ALKBH1: variants seen among roughly 807,000 people sequenced by gnomAD.
The protein encoded by ALKBH1 is nucleic acid dioxygenase ALKBH1.
In ALKBH1, 31 loss-of-function variants were observed where a neutral mutation model predicts 36.6. The ratio of observed to expected loss-of-function variants is 0.85; its 90% CI spans 0.64 to 1.14. The LOEUF is 1.14. Among genes scored for constraint, ALKBH1 ranks in the 50% most tolerant of loss-of-function variants. ALKBH1 has a pLI of 0.00. For missense variants in ALKBH1, 490 were observed against 497.3 expected, an observed-to-expected ratio of 0.99 and a Z score of 0.14; for synonymous variants, 183 against 186.6, an observed-to-expected ratio of 0.98 and a Z score of 0.16.
chr14:77,683,446 T>C (rs1044454558), intron 3 of ALKBH1: 2 of 744,658 alleles, frequency 2.7e-6, no homozygotes, highest in Non-Finnish European at 4.9e-6. Flanking sequence ...CTTAACTTAC[T>C]TGTTCACAAC....
Position 77,694,774 on chromosome 14 carries a change from G to T in ALKBH1, c.419C>A (p.Thr140Asn). Residue 140 changes from threonine (T) to asparagine (N), a missense_variant, in exon 3 of 6, where the codon ACC becomes AAC. Coordinates refer to ENST00000216489, the MANE Select transcript of ALKBH1 (RefSeq NM_006020.3). ...NLDKHMSKEETQDLWEQSKEF... is the reference protein window; with the variant it reads ...NLDKHMSKEENQDLWEQSKEF... ...TTTGCTCTGTTCCCACAGATCTTGG[G>T]TCTCTTCTTTAGACATGTGTTTGTC... is the stretch of plus-strand genomic sequence containing the variant. The T allele has an allele frequency of 6.2e-7, 1 of 1,604,758 alleles. No homozygotes were observed. Among genetic ancestry groups the T allele is most frequent in the East Asian group, 2.2e-5 (1 of 44,642 alleles).
At chr14:77,683,207 C>A (rs1285523437) in intron 3 of ALKBH1, 2 of 660,180 alleles carry the variant, frequency 3.0e-6, no homozygotes, top group Non-Finnish European at 5.7e-6. Flanking sequence ...ACCTATTATG[C>A]TATGAATCCA....
In ALKBH1 at chr14:77,673,000, A is replaced by G. The variant is rs959723296; in HGVS notation, c.*812T>C. The G allele has an allele frequency of 6.6e-6, 1 of 152,226 alleles. No homozygotes were observed. Among genetic ancestry groups the G allele is most frequent in the Non-Finnish European group, 1.5e-5 (1 of 68,056 alleles). 9.4% of individuals were successfully genotyped at this position (152,226 alleles called of 1,614,324 possible). A position where few individuals can be genotyped will look rare whatever the true frequency, so the allele number is the denominator to read the frequency against. ...ACAGCAAAGAAAAACAGAAAAAAAA[A>G]CCTTAATCCCAGATAGACTAAACCC... On this transcript the variant is annotated 3_prime_UTR_variant, in exon 6 of 6. Transcript: ENST00000216489.
chr14:77,702,497 C>T (rs2080364937), intron 2 of ALKBH1, among the ~76,000 whole-genome samples: 1 of 151,744 alleles, frequency 6.6e-6, no homozygotes, highest in South Asian at 2.1e-4. Flanking sequence ...AGAGTCCTGG[C>T]CATTGGCACA....
intron 3 of ALKBH1, among the ~76,000 whole-genome samples, chr14:77,694,047 C>G (rs1009508391): frequency 6.6e-6 from 1 of 152,168 alleles, no homozygotes; most frequent in African/African-American, 2.4e-5. Context: ...TCTACCCTGC[C>G]TGGAATAATT....
chr14:77,701,521 A>G (rs891443385), intron 2 of ALKBH1, among the ~76,000 whole-genome samples: 3 of 152,060 alleles, frequency 2.0e-5, no homozygotes, highest in Non-Finnish European at 2.9e-5. Flanking sequence ...AAGTTCCCCC[A>G]TAAGTCTTTT....
chr14:77,690,446 G>A (rs2080290981), intron 3 of ALKBH1, among the ~76,000 whole-genome samples: 1 of 152,190 alleles, frequency 6.6e-6, no homozygotes, highest in South Asian at 2.1e-4. Context: ...TTTCCTGAGT[G>A]ATAAAGTGTC....
chr14:77,693,842 T>C (rs2080311947), intron 3 of ALKBH1, among the ~76,000 whole-genome samples: 1 of 151,724 alleles, frequency 6.6e-6, no homozygotes, highest in Non-Finnish European at 1.5e-5. Context: ...CAAAAATTGG[T>C]GGGGCGTGGT....
chr14:77,693,164 C>T (rs1189958136), intron 3 of ALKBH1, among the ~76,000 whole-genome samples: 1 of 150,006 alleles, frequency 6.7e-6, no homozygotes, highest in Non-Finnish European at 1.5e-5. Flanking sequence ...CAAGATCATG[C>T]CATTGCACTC....
intron 2 of ALKBH1, chr14:77,697,081 T>C: frequency 5.3e-6 from 1 of 188,594 alleles, no homozygotes; most frequent in Non-Finnish European, 1.1e-5. Flanking sequence ...TTGTACTGGT[T>C]TGCAATTCAG....
At chr14:77,706,433 T>C (rs552886030) in intron 1 of ALKBH1, among the ~76,000 whole-genome samples, 1 of 152,300 alleles carries the variant, frequency 6.6e-6, no homozygotes, top group South Asian at 2.1e-4. Flanking sequence ...ACCACTGAGC[T>C]TTTATAAAAG....
chr14:77,705,949 G>A (rs1218127304), intron 1 of ALKBH1, among the ~76,000 whole-genome samples: 2 of 152,076 alleles, frequency 1.3e-5, no homozygotes, highest in Non-Finnish European at 2.9e-5. Flanking sequence ...CAGCTACTTG[G>A]GAGGCTGAAG....
intron 2 of ALKBH1, among the ~76,000 whole-genome samples, chr14:77,699,923 C>T (rs1201251404): frequency 3.3e-5 from 5 of 151,982 alleles, no homozygotes; most frequent in East Asian, 1.9e-4. Flanking sequence ...GGCGTGGTGG[C>T]GGGCGCCTGT....
rs545695232 is a variant in ALKBH1, at chr14:77,675,702, C to T, written c.694G>A (p.Val232Ile). 11 of 1,614,136 alleles carry T rather than the reference C, an allele frequency of 6.8e-6. No individual in the cohort carries two copies. Among genetic ancestry groups the T allele is most frequent in the South Asian group, 6.6e-5 (6 of 91,084 alleles). Residue 232 changes from valine to isoleucine, a missense_variant, in exon 5 of 6, where the codon GTA becomes ATA. Physicochemically the swap from Val to Ile is conservative, Grantham distance 29. Coordinates refer to ENST00000216489, the MANE Select transcript of ALKBH1 (RefSeq NM_006020.3). ...GAGTGATCTAGCTCAGATCTGTCTA[C>T]GTGGATTCCCAGTGTGGAGTCCAGG... Reference protein sequence around the residue: ...YRLDSTLGIHVDRSELDHSKP... With the variant: ...YRLDSTLGIHIDRSELDHSKP...
chr14:77,688,243 AT>A (rs10552601), intron 3 of ALKBH1, among the ~76,000 whole-genome samples: 50,132 of 132,844 alleles, frequency 0.38, 7,082 homozygotes, highest in Non-Finnish European at 0.42. Context: ...ATTAAACTAA[AT>A]TTTTTTTTTT....
intron 2 of ALKBH1, among the ~76,000 whole-genome samples, chr14:77,702,265 C>T (rs2080363536): frequency 6.6e-6 from 1 of 152,152 alleles, no homozygotes; most frequent in East Asian, 1.9e-4. Context: ...CACACCACTG[C>T]ACTCCAGCCT....
chr14:77,706,833 C>T (rs1218735402), intron 1 of ALKBH1, among the ~76,000 whole-genome samples: 1 of 152,100 alleles, frequency 6.6e-6, no homozygotes, highest in Non-Finnish European at 1.5e-5. Flanking sequence ...AAAAGCTGAG[C>T]TCAAGTATGC....
intron 2 of ALKBH1, among the ~76,000 whole-genome samples, chr14:77,697,652 G>A (rs1283994230): frequency 6.7e-6 from 1 of 149,342 alleles, no homozygotes; most frequent in Non-Finnish European, 1.5e-5. Context: ...TTTGGGAGGA[G>A]GCACTGAGTG....
chr14:77,675,859 A>G lies in ALKBH1; in HGVS notation c.547-10T>C. 1 of 1,601,420 alleles carries G rather than the reference A, an allele frequency of 6.2e-7. No individual in the cohort carries two copies. The highest frequency in any genetic ancestry group is 8.6e-7 in the Non-Finnish European group (1 of 1,168,820). ...GATCTGCTGAGTATTTCTTTGGTAA[A>G]TGTAGAGAGAATAAGAAAAATAAAC... On this transcript the variant is annotated splice_polypyrimidine_tract_variant and intron_variant, in intron 4 of 5. Transcript: ENST00000216489.
Sources: allele counts gnomAD v4.1 joint callset (sites outside exome capture counted in the v4.1 genomes callset), GRCh38; gene constraint gnomAD v4.1.1; transcripts MANE v1.5; gene names NCBI Gene and HGNC (gene_info 2026-07-23, HGNC 2026-07-21).